Variants in PTGES observed in about 807,000 individuals in gnomAD.
PTGES encodes prostaglandin E synthase.
In PTGES, 3 loss-of-function variants were observed where a neutral mutation model predicts 11.8. The ratio of observed to expected loss-of-function variants is 0.25; its 90% CI spans 0.12 to 0.66. The LOEUF is 0.66. Among genes scored for constraint, PTGES ranks in the 30% least tolerant of loss-of-function variants. The probability of loss-of-function intolerance (pLI) is 0.82; values close to 1 mark genes in which losing one functional copy is unlikely to be tolerated. For synonymous variants in PTGES, 94 were observed against 90.4 expected (o/e 1.04, Z -0.22); for missense variants, 180 against 213.0 (o/e 0.85, Z 0.96).
Position 129,738,856 on chromosome 9 carries a change from T to C in PTGES, c.*755A>G, listed in dbSNP as rs750148261. On this transcript the variant is annotated 3_prime_UTR_variant, in exon 3 of 3. Transcript: ENST00000340607. The surrounding 1 kb of genome is among the most constrained non-coding windows in gnomAD (Gnocchi z 4.2). The stretch of plus-strand genomic sequence containing the variant: ...GCCTTTTAAAACTCCAGATGGTGGC[T>C]GAGCACAGTGATTCATGCCTGTCAT... 1 of 152,290 alleles carries C rather than the reference T, an allele frequency of 6.6e-6. No homozygotes were observed. Among genetic ancestry groups the C allele is most frequent in the Non-Finnish European group, 1.5e-5 (1 of 68,106 alleles). The allele number at this position is 152,290 out of a possible 1,614,324, so 9.4% of individuals were successfully genotyped here.
In PTGES at chr9:129,739,726, A is replaced by T. The variant is rs1250115772; in HGVS notation, c.344T>A (p.Val115Glu). 1 of 1,579,324 alleles carries T rather than the reference A, an allele frequency of 6.3e-7. No individual in the cohort carries two copies. The highest frequency in any genetic ancestry group is 1.8e-5 in the Admixed American group (1 of 54,750). ...VFLVGRVAHT[V>E]AYLGKLRAPI... ...TGCCCGCAGCTTCCCCAGGTAGGCC[A>T]CGGTGTGTGCCACACGGCCCACGAG... The change falls in exon 3 of 3, where the codon GTG becomes GAG. Residue 115 changes from valine to glutamate, a missense_variant. Val to Glu is a moderately radical substitution (Grantham distance 121). Transcript: ENST00000340607. This position sits in a 1 kb window ranked among gnomAD's most constrained non-coding sequence, Gnocchi z 5.7.
At position 129,738,410 on chromosome 9, in the gene PTGES, A is replaced by AACACACACACACACAC. The variant is rs71385459; in HGVS notation, c.*1185_*1200dup. ...ATCTCAGGTCACGGGTCTAGGAGAA[A>AACACACACACACACAC]ACACACACACACACACACACACACA... On this transcript the variant is annotated 3_prime_UTR_variant, in exon 3 of 3. Transcript: ENST00000340607. This position sits in a 1 kb window ranked among gnomAD's most constrained non-coding sequence, Gnocchi z 4.2. The AACACACACACACACAC allele has an allele frequency of 4.4e-4, 61 of 138,414 alleles. No individual in the cohort carries two copies. Among genetic ancestry groups the AACACACACACACACAC allele is most frequent in the African/African-American group, 1.6e-3 (58 of 37,096 alleles). 8.6% of individuals were successfully genotyped at this position (138,414 alleles called of 1,614,324 possible). A position where few individuals can be genotyped will look rare whatever the true frequency, so the allele number is the denominator to read the frequency against.
At position 129,739,515 on chromosome 9, in the gene PTGES, G is replaced by T; in HGVS notation, c.*96C>A. On this transcript the variant is annotated 3_prime_UTR_variant, in exon 3 of 3. Transcript: ENST00000340607. The surrounding 1 kb of genome is among the most constrained non-coding windows in gnomAD (Gnocchi z 5.7). ...AGGCTGCCAGGAAACCAGGACTCAG[G>T]GCCCACCACAATCTGGAAGGAACAT... 6.8e-7 allele frequency: 1 copy of T among 1,463,726 alleles called. No homozygotes were observed. Among genetic ancestry groups the T allele is most frequent in the Non-Finnish European group, 9.0e-7 (1 of 1,105,392 alleles). 90.7% of individuals were successfully genotyped at this position (1,463,726 alleles called of 1,614,324 possible).
At position 129,748,686 on chromosome 9, in the gene PTGES, T is replaced by A; in HGVS notation, c.178A>T (p.Arg60Trp). The change falls in exon 2 of 3, where the codon AGG becomes TGG. Residue 60 changes from arginine to tryptophan, a missense_variant. By Grantham distance (101) the Arg-to-Trp change is moderately radical. Coordinates refer to ENST00000340607, the MANE Select transcript of PTGES (RefSeq NM_004878.5). ...CAGCGTTCCACGTCGGGGTCGCTCCTGCAATACTGGGGGCCTCCGTGTCTC... is the reference window on the plus strand; with the variant it reads ...CAGCGTTCCACGTCGGGGTCGCTCCAGCAATACTGGGGGCCTCCGTGTCTC... ...ALRHGGPQYC[R>W]SDPDVERCLR... is the part of the protein sequence containing the mutation. 6.3e-7 allele frequency: 1 copy of A among 1,585,946 alleles called. No homozygotes were observed. The highest frequency in any genetic ancestry group is 8.5e-7 in the Non-Finnish European group (1 of 1,169,782).
At chr9:129,746,290 G>C (rs1264185144) in intron 2 of PTGES, among the ~76,000 whole-genome samples, 1 of 152,148 alleles carries the variant, frequency 6.6e-6, no homozygotes, top group Non-Finnish European at 1.5e-5. Context: ...GCCTCCTGCT[G>C]CCTGGACAGC....
intron 2 of PTGES, among the ~76,000 whole-genome samples, chr9:129,742,824 A>T (rs1250794480): frequency 6.6e-6 from 1 of 151,986 alleles, no homozygotes; most frequent in Non-Finnish European, 1.5e-5. Flanking sequence ...GTGAGCCAAC[A>T]TCGCGCCACT....
intron 1 of PTGES, among the ~76,000 whole-genome samples, chr9:129,751,368 G>A (rs1204209270): frequency 1.2e-4 from 18 of 147,070 alleles, no homozygotes; most frequent in Admixed American, 1.2e-3. Context: ...AAAAGGAATC[G>A]CTGGCCTGCT....
chr9:129,744,664 G>T (rs1021745541), intron 2 of PTGES, among the ~76,000 whole-genome samples: 3 of 151,602 alleles, frequency 2.0e-5, no homozygotes, highest in African/African-American at 7.3e-5. Flanking sequence ...ATCACTTGAG[G>T]TCAGGAGTTC....
rs1449465709 is a variant in PTGES at position 129,745,209 on chromosome 9, C to CA, written c.209+3445dup. Among the ~76,000 whole-genome samples the CA allele has an allele frequency of 6.6e-6, 1 of 152,204 alleles. No homozygotes were observed. Among genetic ancestry groups the CA allele is most frequent in the African/African-American group, 2.4e-5 (1 of 41,446 alleles). ...CAGGTAACCCCTCCGTGCAGTTCCA[C>CA]ACACCCAACCTCAGATTCTGGCCCA... On this transcript the variant is annotated intron_variant, in intron 2 of 2. Coordinates refer to ENST00000340607, the MANE Select transcript of PTGES (RefSeq NM_004878.5). The surrounding 1 kb of genome is among the most constrained non-coding windows in gnomAD (Gnocchi z 4.2).
chr9:129,741,540 G>A (rs778653078), intron 2 of PTGES, among the ~76,000 whole-genome samples: 10 of 152,194 alleles, frequency 6.6e-5, no homozygotes, highest in East Asian at 1.9e-4. Context: ...CTCACCCAGC[G>A]GTGGGGAACA....
chr9:129,751,611 G>A (rs1808903), intron 1 of PTGES, among the ~76,000 whole-genome samples: 7,046 of 151,952 alleles, frequency 0.046, 304 homozygotes, highest in African/African-American at 0.12. Flanking sequence ...CCCAGGAGGT[G>A]GAGGTTGCAG....
intron 2 of PTGES, among the ~76,000 whole-genome samples, chr9:129,744,571 C>CAAAA (rs60799589): frequency 9.9e-5 from 5 of 50,356 alleles, no homozygotes; most frequent in Admixed American, 2.4e-4. Context: ...GACCCTGTCA[C>CAAAA]AAAAAAAAAA....
In PTGES at chr9:129,745,207, C is replaced by T. The variant is rs1833038869; in HGVS notation, c.209+3448G>A. The stretch of plus-strand genomic sequence containing the variant: ...CACAGGTAACCCCTCCGTGCAGTTC[C>T]ACACACCCAACCTCAGATTCTGGCC... On this transcript the variant is annotated intron_variant, in intron 2 of 2. Coordinates refer to ENST00000340607, the MANE Select transcript of PTGES (RefSeq NM_004878.5). This position sits in a 1 kb window ranked among gnomAD's most constrained non-coding sequence, Gnocchi z 4.2. 1.3e-5 allele frequency among the ~76,000 whole-genome samples: 2 copies of T among 152,176 alleles called. No homozygotes were observed. The highest frequency in any genetic ancestry group is 4.8e-5 in the African/African-American group (2 of 41,436).
At chr9:129,740,688 T>C (rs1288067673) in intron 2 of PTGES, among the ~76,000 whole-genome samples, 1 of 152,152 alleles carries the variant, frequency 6.6e-6, no homozygotes, top group Non-Finnish European at 1.5e-5. Flanking sequence ...CTCACCTACT[T>C]CTGCTGGTTC....
chr9:129,749,885 T>A (rs1170983991), intron 1 of PTGES, among the ~76,000 whole-genome samples: 2 of 152,270 alleles, frequency 1.3e-5, no homozygotes, highest in East Asian at 3.9e-4. Context: ...TGGCAGCACC[T>A]GAAGAATTTG....
Position 129,745,438 on chromosome 9 carries a change from CCAA to C in PTGES, c.209+3214_209+3216del, listed in dbSNP as rs1167293434. On this transcript the variant is annotated intron_variant, in intron 2 of 2. Transcript: ENST00000340607. The surrounding 1 kb of genome is among the most constrained non-coding windows in gnomAD (Gnocchi z 4.2). The stretch of plus-strand genomic sequence containing the variant: ...CCATAAACCCTGGTCTAATATTTAA[CCAA>C]CTTTTGCTTCCAGGTGGTCTCCCCC... Among the ~76,000 whole-genome samples, 1 of 152,196 alleles carries C rather than the reference CCAA, an allele frequency of 6.6e-6. No individual in the cohort carries two copies. The highest frequency in any genetic ancestry group is 6.5e-5 in the Admixed American group (1 of 15,284).
rs45626243 is a variant in PTGES, at chr9:129,745,583, G to A, written c.209+3072C>T. Among the ~76,000 whole-genome samples the A allele has an allele frequency of 9.0e-4, 137 of 152,264 alleles. No homozygotes were observed. The highest frequency in any genetic ancestry group is 3.4e-3 in the Middle Eastern group (1 of 294). On this transcript the variant is annotated intron_variant, in intron 2 of 2. Transcript: ENST00000340607. The surrounding 1 kb of genome is among the most constrained non-coding windows in gnomAD (Gnocchi z 4.2). Reference sequence around the variant, plus strand: ...TCAGGTGGCAGAGGAGGGGCCCAGGGGACCCAGGCACTCCCCAGGTCTGAC... The same window carrying A: ...TCAGGTGGCAGAGGAGGGGCCCAGGAGACCCAGGCACTCCCCAGGTCTGAC...
chr9:129,743,643 C>CTTG (rs1833022245), intron 2 of PTGES, among the ~76,000 whole-genome samples: 2 of 152,200 alleles, frequency 1.3e-5, no homozygotes, highest in Non-Finnish European at 2.9e-5. Context: ...TGCTGGCATC[C>CTTG]ACGGTGGGGC....
chr9:129,753,020 C>T lies in PTGES; in HGVS notation c.-8G>A, dbSNP rs1021924790. Reference sequence around the variant, plus strand: ...CAGGCTGTGGGCAGGCATCTCTGGCCAGCGCAGCTCAACTGTGGGTGTGAT... The same window carrying T: ...CAGGCTGTGGGCAGGCATCTCTGGCTAGCGCAGCTCAACTGTGGGTGTGAT... On this transcript the variant is annotated 5_prime_UTR_variant, in exon 1 of 3. Coordinates refer to ENST00000340607, the MANE Select transcript of PTGES (RefSeq NM_004878.5). The T allele has an allele frequency of 3.1e-6, 5 of 1,601,236 alleles. No individual in the cohort carries two copies. Among genetic ancestry groups the T allele is most frequent in the Non-Finnish European group, 2.5e-6 (3 of 1,178,974 alleles).
Sources: allele counts gnomAD v4.1 joint callset (sites outside exome capture counted in the v4.1 genomes callset), GRCh38; gene constraint gnomAD v4.1.1; non-coding constraint Gnocchi (gnomAD v3.1); transcripts MANE v1.5; gene names NCBI Gene and HGNC (gene_info 2026-07-23, HGNC 2026-07-21).